The following SGCD variants were observed in gnomAD, a reference collection of about 807,000 sequenced individuals.
SGCD encodes delta-sarcoglycan.
SGCD carries 18 observed loss-of-function variants against 36.6 expected under a neutral mutation model. The ratio of observed to expected loss-of-function variants is 0.49; its 90% CI spans 0.34 to 0.73. The LOEUF (loss-of-function observed/expected upper bound fraction) is 0.73. Ranked by LOEUF, SGCD falls within the 30% of genes least tolerant of loss-of-function variation. SGCD has a pLI of 0.01. For missense variants in SGCD, 387 were observed against 346.7 expected, an observed-to-expected ratio of 1.12 and a Z score of -0.92; for synonymous variants, 133 against 130.6, an observed-to-expected ratio of 1.02 and a Z score of -0.12.
intron 1 of SGCD, among the ~76,000 whole-genome samples, chr5:156,090,197 A>G (rs1359144075): frequency 6.6e-6 from 1 of 152,206 alleles, no homozygotes; most frequent in East Asian, 1.9e-4. Context: ...CTGGGTGTTT[A>G]ATGTCCTTAT....
At chr5:156,050,296 C>T (rs1354791610) in intron 1 of SGCD, among the ~76,000 whole-genome samples, 1 of 146,664 alleles carries the variant, frequency 6.8e-6, no homozygotes, top group African/African-American at 2.5e-5. Flanking sequence ...AACACTGAGG[C>T]AAGACTCTCC....
At chr5:156,541,496 C>A (rs983151025) in intron 4 of SGCD, among the ~76,000 whole-genome samples, 3 of 152,068 alleles carry the variant, frequency 2.0e-5, no homozygotes, top group Non-Finnish European at 2.9e-5. Flanking sequence ...TTGACAGGAG[C>A]TGCTGACAGA....
intron 7 of SGCD, among the ~76,000 whole-genome samples, chr5:156,687,713 C>T (rs1753956206): frequency 6.6e-6 from 1 of 152,194 alleles, no homozygotes; most frequent in African/African-American, 2.4e-5. Flanking sequence ...TATTTGCTGA[C>T]AAGCTGTGCT....
chr5:156,307,859 TAAGAAA>T (rs1482063090), intron 3 of SGCD, among the ~76,000 whole-genome samples: 287 of 152,278 alleles, frequency 1.9e-3, no homozygotes, highest in African/African-American at 6.8e-3. Flanking sequence ...TTTGTGTGTT[TAAGAAA>T]CATAAACTGA....
chr5:155,864,939 G>C, the SGCD span, among the ~76,000 whole-genome samples: 1 of 152,134 alleles, frequency 6.6e-6, no homozygotes, highest in African/African-American at 2.4e-5. Flanking sequence ...TCTATGCTGG[G>C]CATTTTACAT....
rs546562628 is a variant in SGCD at position 156,410,902 on chromosome 5, C to T, written c.192+66225C>T. Among the ~76,000 whole-genome samples, 8 of 152,132 alleles carry T rather than the reference C, an allele frequency of 5.3e-5. No homozygotes were observed. The South Asian group carries it at 1.7e-3, about 32-fold the overall frequency. ...TCTTCTTCTCCCTGGACAAGATCAA[C>T]TCTCACTTCATGAAATGAAAAAAAA... On this transcript the variant is annotated intron_variant, in intron 3 of 8. Transcript: ENST00000337851.
At chr5:156,024,852 G>C (rs1211931999) in intron 1 of SGCD, among the ~76,000 whole-genome samples, 2 of 151,898 alleles carry the variant, frequency 1.3e-5, no homozygotes, top group African/African-American at 4.8e-5. Context: ...CAGCTACTCG[G>C]GAGGCTGAGG....
chr5:156,297,756 G>A (rs1441370939), intron 3 of SGCD, among the ~76,000 whole-genome samples: 1 of 151,140 alleles, frequency 6.6e-6, no homozygotes, highest in Non-Finnish European at 1.5e-5. Context: ...CCTGCACAAT[G>A]TGCACATGTA....
At chr5:156,068,366 T>C (rs1199319750) in intron 1 of SGCD, among the ~76,000 whole-genome samples, 1 of 151,930 alleles carries the variant, frequency 6.6e-6, no homozygotes, top group Non-Finnish European at 1.5e-5. Flanking sequence ...AGTGAGAATA[T>C]GCGGTGTTTG....
At chr5:156,446,402 G>C (rs1367944226) in intron 3 of SGCD, among the ~76,000 whole-genome samples, 1 of 152,132 alleles carries the variant, frequency 6.6e-6, no homozygotes, top group East Asian at 1.9e-4. Context: ...ACCTTAGGGT[G>C]TGGAGAGGGT....
intron 6 of SGCD, among the ~76,000 whole-genome samples, chr5:156,613,670 C>G (rs530217537): frequency 2.0e-5 from 3 of 152,330 alleles, no homozygotes; most frequent in African/African-American, 7.2e-5. Flanking sequence ...GAATGAGAAA[C>G]TCAGGGATAG....
At chr5:156,636,335 T>C (rs1299668810) in intron 6 of SGCD, among the ~76,000 whole-genome samples, 2 of 152,226 alleles carry the variant, frequency 1.3e-5, no homozygotes, top group African/African-American at 2.4e-5. Context: ...TCTTCAGTTT[T>C]TCTGGCTTAA....
chr5:156,643,620 C>G (rs370196255), intron 6 of SGCD, among the ~76,000 whole-genome samples: 1 of 152,072 alleles, frequency 6.6e-6, no homozygotes, highest in African/African-American at 2.4e-5. Context: ...TGTCAAAGGC[C>G]ATGCAATGCA....
At chr5:156,741,387 T>C (rs764135326) in intron 7 of SGCD, among the ~76,000 whole-genome samples, 26 of 152,172 alleles carry the variant, frequency 1.7e-4, no homozygotes, top group Non-Finnish European at 3.7e-4. Context: ...TAAAGTTTTG[T>C]AGGGTTTTTT....
intron 7 of SGCD, among the ~76,000 whole-genome samples, chr5:156,689,963 CTTGGTAAATAATTCTCA>C (rs887056242): frequency 6.6e-6 from 1 of 152,146 alleles, no homozygotes; most frequent in Non-Finnish European, 1.5e-5. Context: ...TCTGTGATAT[CTTGGTAAATAATTCTCA>C]AAATATTACC....
chr5:156,306,185 G>T lies in SGCD; in HGVS notation c.-43-23349G>T, dbSNP rs191905713. Among the ~76,000 whole-genome samples, 17 of 152,292 alleles carry T rather than the reference G, an allele frequency of 1.1e-4. No individual in the cohort carries two copies. The East Asian group carries it at 3.1e-3, about 28-fold the overall frequency. On this transcript the variant is annotated intron_variant, in intron 3 of 9. Transcript: ENST00000517913. ...AGGGGTGGAAAGATATGGTTTGGCT[G>T]TGTCACCACCCGTATCTCATCTTGA...
intron 7 of SGCD, among the ~76,000 whole-genome samples, chr5:156,749,462 A>G (rs1323041894): frequency 2.0e-5 from 3 of 152,194 alleles, no homozygotes; most frequent in African/African-American, 7.2e-5. Context: ...GACAAACCCA[A>G]AAGTTAGCTC....
intron 1 of SGCD, among the ~76,000 whole-genome samples, chr5:155,954,549 C>T (rs548029013): frequency 1.3e-5 from 2 of 149,698 alleles, no homozygotes; most frequent in African/African-American, 4.9e-5. Flanking sequence ...TCATTATGGG[C>T]AGCTTATGGG....
At chr5:155,973,490 G>C (rs1244662888) in intron 1 of SGCD, among the ~76,000 whole-genome samples, 1 of 152,170 alleles carries the variant, frequency 6.6e-6, no homozygotes, top group East Asian at 1.9e-4. Context: ...TTAAGGTTCA[G>C]CTCACACTTG....
Sources: allele counts gnomAD v4.1 joint callset (sites outside exome capture counted in the v4.1 genomes callset), GRCh38; gene constraint gnomAD v4.1.1; transcripts MANE v1.5; gene names NCBI Gene and HGNC (gene_info 2026-07-23, HGNC 2026-07-21).